PLA2G4C: variants seen among roughly 807,000 people sequenced by gnomAD.
PLA2G4C encodes the protein phospholipase A2 group IVC, also known as cytosolic phospholipase A2 gamma.
In PLA2G4C, 64 loss-of-function variants were observed where a neutral mutation model predicts 73.8. The observed-to-expected ratio is 0.87, with a 90% CI of 0.71 to 1.07. The LOEUF (loss-of-function observed/expected upper bound fraction) is 1.07. PLA2G4C is among the 50% of genes least tolerant of loss of function. The probability of loss-of-function intolerance (pLI) is 0.00; values close to 1 mark genes in which losing one functional copy is unlikely to be tolerated. For missense variants in PLA2G4C, 622 were observed against 665.4 expected (o/e 0.93, Z 0.72); for synonymous variants, 254 against 252.1 (o/e 1.01, Z -0.07).
intron 13 of PLA2G4C, among the ~76,000 whole-genome samples, chr19:48,067,196 T>C (rs1287447710): frequency 2.6e-5 from 4 of 151,018 alleles, no homozygotes; most frequent in South Asian, 2.1e-4. Context: ...TTAGATGGTG[T>C]CTCGCTCTGT....
chr19:48,053,200 A>C, intron 15 of PLA2G4C, 53 bp from the exon 16 acceptor site: 1 of 1,408,432 alleles, frequency 7.1e-7, no homozygotes, highest in East Asian at 2.3e-5. Context: ...TGGACAATTA[A>C]TTCTGCAGAT....
At chr19:48,054,199 T>G (rs902390829) in intron 15 of PLA2G4C, among the ~76,000 whole-genome samples, 12 of 152,144 alleles carry the variant, frequency 7.9e-5, no homozygotes, top group Non-Finnish European at 1.6e-4. Context: ...TGAATTGTAG[T>G]TCCCATAATC....
intron 16 of PLA2G4C, among the ~76,000 whole-genome samples, chr19:48,051,333 G>A (rs553727605): frequency 4.0e-4 from 61 of 152,280 alleles, no homozygotes; most frequent in Admixed American, 8.5e-4. Flanking sequence ...CTCACACTGC[G>A]ATAAAGACAC....
rs191515885 is a variant in PLA2G4C at position 48,076,470 on chromosome 19, C to T, written c.898+1301G>A. On this transcript the variant is annotated intron_variant, in intron 11 of 16. Transcript: ENST00000599921. Reference sequence around the variant, plus strand: ...GAGATGCAAGCAGCTTGGCCCAGCGCGGTGGCTCACACCTGTAATCCCAGC... The same window carrying T: ...GAGATGCAAGCAGCTTGGCCCAGCGTGGTGGCTCACACCTGTAATCCCAGC... 2.6e-4 allele frequency among the ~76,000 whole-genome samples: 40 copies of T among 152,158 alleles called. 1 individual carries two copies. Among genetic ancestry groups the T allele is most frequent in the African/African-American group, 7.2e-4 (30 of 41,536 alleles).
intron 9 of PLA2G4C, among the ~76,000 whole-genome samples, chr19:48,087,484 C>T (rs949125984): frequency 6.6e-6 from 1 of 152,200 alleles, no homozygotes; most frequent in African/African-American, 2.4e-5. Context: ...CACAGTTCCT[C>T]TCTACTCAGA....
intron 7 of PLA2G4C, among the ~76,000 whole-genome samples, chr19:48,091,342 C>G (rs988685492): frequency 6.6e-6 from 1 of 152,040 alleles, no homozygotes; most frequent in Non-Finnish European, 1.5e-5. Context: ...TGCACCACCA[C>G]GCCCTGCTAA....
At chr19:48,077,353 A>C in intron 11 of PLA2G4C, among the ~76,000 whole-genome samples, 1 of 152,046 alleles carries the variant, frequency 6.6e-6, no homozygotes, top group Non-Finnish European at 1.5e-5. Context: ...GCTGCAAAAA[A>C]ATAAAATAAA....
chr19:48,050,673 C>CTTTTGTTTTTTTTTTTTTTT (rs1967690730), intron 16 of PLA2G4C, among the ~76,000 whole-genome samples: 1 of 78,746 alleles, frequency 1.3e-5, no homozygotes, highest in Non-Finnish European at 2.4e-5. Context: ...GAGTATGTGA[C>CTTTTGTTTTTTTTTTTTTTT]TTTTTTTTTT....
intron 4 of PLA2G4C, among the ~76,000 whole-genome samples, chr19:48,101,021 G>A (rs1030530426): frequency 4.1e-5 from 6 of 147,738 alleles, no homozygotes; most frequent in African/African-American, 1.5e-4. Context: ...TTAGCTCACA[G>A]TTCTGCAGGC....
In PLA2G4C at chr19:48,099,805, G is replaced by T. The variant is rs778964888; in HGVS notation, c.313C>A (p.Leu105Met). Residue 105 changes from leucine to methionine, a missense_variant, in exon 5 of 17, where the codon CTG (leucine) becomes ATG (methionine). Coordinates refer to ENST00000599921, the MANE Select transcript of PLA2G4C (RefSeq NM_003706.3). ...TCCTGTCGGGTAAATCGATGTTTCA[G>T]GTCAGCCTCGAGAGCTTCCATGTCA... is the stretch of plus-strand genomic sequence containing the variant. ...DGDMEALEADLKHRFTRQEWD... is the reference protein window; with the variant it reads ...DGDMEALEADMKHRFTRQEWD... 1 of 1,613,778 alleles carries T rather than the reference G, an allele frequency of 6.2e-7. No homozygotes were observed. The highest frequency in any genetic ancestry group is 1.3e-5 in the African/African-American group (1 of 74,892).
At chr19:48,079,814 G>T (rs1169140194) in intron 10 of PLA2G4C, among the ~76,000 whole-genome samples, 1 of 152,046 alleles carries the variant, frequency 6.6e-6, no homozygotes, top group African/African-American at 2.4e-5. Context: ...TACAAAAATT[G>T]GCCAGGTATG....
In PLA2G4C at chr19:48,101,124, ATATTTTT is replaced by A. The variant is rs1298682808; in HGVS notation, c.258-1271_258-1265del. On this transcript the variant is annotated intron_variant, in intron 4 of 16. Coordinates refer to ENST00000599921, the MANE Select transcript of PLA2G4C (RefSeq NM_003706.3). ...AGAGTCTATATATATATATATATAT[ATATTTTT>A]TTTTTTTTTTTTGAGACAGGTCTTG... 5.0e-3 allele frequency among the ~76,000 whole-genome samples: 296 copies of A among 59,440 alleles called. 1 individual carries two copies. Among genetic ancestry groups the A allele is most frequent in the African/African-American group, 0.026 (264 of 9,970 alleles). 39.0% of individuals were successfully genotyped at this position (59,440 alleles called of 152,430 possible). A position where few individuals can be genotyped will look rare whatever the true frequency, so the allele number is the denominator to read the frequency against.
intron 7 of PLA2G4C, among the ~76,000 whole-genome samples, chr19:48,090,785 G>A (rs1371043842): frequency 6.6e-6 from 1 of 152,046 alleles, no homozygotes; most frequent in African/African-American, 2.4e-5. Context: ...GCTAGGGGAC[G>A]GTCAAGCTCT....
intron 12 of PLA2G4C, 144 bp from the exon 13 acceptor site, chr19:48,068,030 G>A (rs576076971): frequency 7.0e-5 from 47 of 675,314 alleles, no homozygotes; most frequent in Admixed American, 5.8e-4. Flanking sequence ...CAGGGCCGGC[G>A]CGTTGGCTCA....
intron 16 of PLA2G4C, among the ~76,000 whole-genome samples, chr19:48,049,845 CT>C (rs1306417663): frequency 1.3e-5 from 2 of 152,204 alleles, no homozygotes; most frequent in Non-Finnish European, 2.9e-5. Context: ...GAAACCACCC[CT>C]GTTCACACCT....
chr19:48,067,753 A>G (rs1227910193), intron 13 of PLA2G4C, 38 bp downstream of exon 13: 2 of 1,364,262 alleles, frequency 1.5e-6, no homozygotes, highest in Non-Finnish European at 2.1e-6. Context: ...ATTCACACGC[A>G]AGGACAGACC....
intron 16 of PLA2G4C, chr19:48,051,745 A>G (rs1175545794): frequency 1.3e-5 from 2 of 152,162 alleles, no homozygotes; most frequent in Non-Finnish European, 2.9e-5. Context: ...GGGTGGGGAC[A>G]CAGAGCCAAA....
chr19:48,054,048 C>T (rs150009930), intron 15 of PLA2G4C, among the ~76,000 whole-genome samples: 88 of 152,278 alleles, frequency 5.8e-4, no homozygotes, highest in African/African-American at 2.1e-3. Context: ...TGGCATCCTC[C>T]AGGCCCAAGG....
chr19:48,055,389 GTATATATA>G (rs4002927), intron 14 of PLA2G4C, among the ~76,000 whole-genome samples: 2 of 132,586 alleles, frequency 1.5e-5, no homozygotes, highest in African/African-American at 3.2e-5. Context: ...CATCTCTACA[GTATATATA>G]TATATATATA....
Sources: gnomAD v4.1 joint callset for allele counts (sites outside exome capture counted in the v4.1 genomes callset) on GRCh38, gnomAD v4.1.1 for gene constraint, MANE v1.5 for transcripts, NCBI Gene and HGNC (gene_info 2026-07-23, HGNC 2026-07-21) for gene names.